PCDH15: variants seen among roughly 807,000 people sequenced by gnomAD.
The protein encoded by PCDH15 is protocadherin related 15.
A neutral mutation model predicts 178.5 loss-of-function variants in PCDH15; 129 were observed. The ratio of observed to expected loss-of-function variants is 0.72; its 90% CI spans 0.63 to 0.84. The LOEUF (loss-of-function observed/expected upper bound fraction) is 0.84, where lower values mean the gene tolerates loss of function less well. PCDH15 is among the 40% of genes least tolerant of loss of function. PCDH15 has a pLI of 0.00. For missense variants in PCDH15, 2,230 were observed against 2,099.9 expected, an observed-to-expected ratio of 1.06 and a Z score of -1.21; for synonymous variants, 800 against 732.0, an observed-to-expected ratio of 1.09 and a Z score of -1.50.
intron 2 of PCDH15, among the ~76,000 whole-genome samples, chr10:55,434,364 G>T (rs932466613): frequency 2.6e-5 from 4 of 151,430 alleles, no homozygotes; most frequent in African/African-American, 9.7e-5. Flanking sequence ...CCAATTCTCC[G>T]CTTTTTCAAA....
At chr10:54,112,497 CAT>C (rs1221529629) in intron 15 of PCDH15, among the ~76,000 whole-genome samples, 1 of 152,110 alleles carries the variant, frequency 6.6e-6, no homozygotes, top group Non-Finnish European at 1.5e-5. Flanking sequence ...TAAAACAACA[CAT>C]AGTTTTTGAA....
At chr10:54,889,139 A>G (rs1346409327) in intron 3 of PCDH15, among the ~76,000 whole-genome samples, 1 of 151,822 alleles carries the variant, frequency 6.6e-6, no homozygotes, top group East Asian at 1.9e-4. Context: ...AGAACCTCCT[A>G]TTTTTACTAT....
chr10:54,088,337 G>T (rs529949673), intron 16 of PCDH15, among the ~76,000 whole-genome samples: 30 of 152,216 alleles, frequency 2.0e-4, no homozygotes, highest in African/African-American at 6.7e-4. Flanking sequence ...CCATGTGCTT[G>T]TTGGCCATTC....
chr10:54,568,931 TG>T (rs1293717180), intron 2 of PCDH15, among the ~76,000 whole-genome samples: 12 of 152,048 alleles, frequency 7.9e-5, no homozygotes, highest in Admixed American at 6.6e-4. Context: ...ATTGCCATTT[TG>T]TAGTCTGTAA....
intron 8 of PCDH15, 67 bp from the exon 9 acceptor site, chr10:54,236,998 A>T: frequency 7.5e-7 from 1 of 1,333,668 alleles, no homozygotes; most frequent in Non-Finnish European, 1.1e-6. Flanking sequence ...ATTGAGACAG[A>T]TGCTTTAGTT....
At chr10:54,672,515 C>CA (rs1222052636) in intron 1 of PCDH15, among the ~76,000 whole-genome samples, 2 of 152,076 alleles carry the variant, frequency 1.3e-5, no homozygotes, top group Non-Finnish European at 2.9e-5. Context: ...TGTAAAGAAG[C>CA]AAACGTATTG....
intron 27 of PCDH15, among the ~76,000 whole-genome samples, chr10:53,860,904 T>C (rs891322660): frequency 1.3e-5 from 2 of 151,980 alleles, no homozygotes; most frequent in African/African-American, 4.8e-5. Context: ...GATATAAAAA[T>C]AAAAAACATT....
Position 54,369,260 on chromosome 10 carries a change from G to A in PCDH15, c.334C>T (p.His112Tyr). 1 of 1,612,572 alleles carries A rather than the reference G, an allele frequency of 6.2e-7. No homozygotes were observed. Among genetic ancestry groups the A allele is most frequent in the East Asian group, 2.2e-5 (1 of 44,826 alleles). The change falls in exon 5 of 38, where the codon CAC (histidine) becomes TAC (tyrosine). Residue 112 changes from histidine to tyrosine, a missense_variant. By Grantham distance (83) the His-to-Tyr change is moderately conservative. Coordinates refer to ENST00000644397, the MANE Select transcript of PCDH15 (RefSeq NM_001384140.1). ...VLDRDPPMNI[H>Y]SIVVQVQCIN... ...CACTGGACCTGCACCACAATGGAGTGTATGTTCATCGGTGGCTGCAATGTA... is the reference window on the plus strand; with the variant it reads ...CACTGGACCTGCACCACAATGGAGTATATGTTCATCGGTGGCTGCAATGTA...
intron 2 of PCDH15, among the ~76,000 whole-genome samples, chr10:54,922,520 G>C (rs1342983718): frequency 6.6e-6 from 1 of 151,996 alleles, no homozygotes; most frequent in Non-Finnish European, 1.5e-5. Context: ...GGACTTTTGA[G>C]TTAATGCTGG....
At chr10:55,030,699 G>T (rs186875839) in intron 2 of PCDH15, among the ~76,000 whole-genome samples, 1 of 152,164 alleles carries the variant, frequency 6.6e-6, no homozygotes, top group Admixed American at 6.5e-5. Context: ...TACTTACAAT[G>T]AATCACAAAT....
intron 2 of PCDH15, among the ~76,000 whole-genome samples, chr10:54,977,085 G>A (rs1253182440): frequency 5.3e-5 from 8 of 152,170 alleles, no homozygotes; most frequent in African/African-American, 1.9e-4. Flanking sequence ...TGCTTTAAGA[G>A]TAAGTTATAA....
chr10:54,286,800 A>AT (rs1218287940), intron 8 of PCDH15, among the ~76,000 whole-genome samples: 2 of 151,852 alleles, frequency 1.3e-5, no homozygotes, highest in Admixed American at 6.6e-5. Context: ...TAATTTTTGT[A>AT]TTTTTTTAGT....
intron 3 of PCDH15, among the ~76,000 whole-genome samples, chr10:54,397,913 C>T (rs1470270535): frequency 5.3e-5 from 8 of 151,744 alleles, no homozygotes; most frequent in Admixed American, 5.3e-4. Flanking sequence ...AAAATAGGGG[C>T]AGGTTTCATG....
At chr10:54,633,768 G>T (rs980658184) in intron 2 of PCDH15, among the ~76,000 whole-genome samples, 1 of 151,984 alleles carries the variant, frequency 6.6e-6, no homozygotes, top group Non-Finnish European at 1.5e-5. Context: ...AATCAATTAC[G>T]CCCCAACCCA....
intron 1 of PCDH15, among the ~76,000 whole-genome samples, chr10:54,697,658 A>AAGGAAGGAAGGAAGGAAGGAAGGG: frequency 1.1e-5 from 1 of 94,046 alleles, no homozygotes; most frequent in Admixed American, 1.2e-4. Context: ...GGAAGGAAGG[A>AAGGAAGGAAGGAAGGAAGGAAGGG]AGGGGAAGGG....
At chr10:54,843,038 G>A (rs1202556026) in intron 3 of PCDH15, among the ~76,000 whole-genome samples, 2 of 151,958 alleles carry the variant, frequency 1.3e-5, no homozygotes, top group Non-Finnish European at 2.9e-5. Flanking sequence ...GATCCTTTAA[G>A]GGTCAAGGAG....
chr10:55,514,997 T>TC (rs1170516734), intron 2 of PCDH15, among the ~76,000 whole-genome samples: 1 of 148,604 alleles, frequency 6.7e-6, no homozygotes, highest in Non-Finnish European at 1.5e-5. Flanking sequence ...ATTTTTTTTT[T>TC]TTTTTTTTTT....
At chr10:54,964,160 C>T (rs1838723854) in intron 2 of PCDH15, among the ~76,000 whole-genome samples, 1 of 152,050 alleles carries the variant, frequency 6.6e-6, no homozygotes, top group African/African-American at 2.4e-5. Context: ...CGGTTGGTTT[C>T]CTAAGAAAAG....
At chr10:55,599,995 T>G in intron 2 of PCDH15, 5 of 1,394,754 alleles carry the variant, frequency 3.6e-6, no homozygotes, top group Non-Finnish European at 4.7e-6. Flanking sequence ...GAAGACCCTG[T>G]GGAGCTTGAA....
Sources: gnomAD v4.1 joint callset for allele counts (sites outside exome capture counted in the v4.1 genomes callset) on GRCh38, gnomAD v4.1.1 for gene constraint, MANE v1.5 for transcripts, NCBI Gene and HGNC (gene_info 2026-07-23, HGNC 2026-07-21) for gene names.